MYO9B: variants seen among roughly 807,000 people sequenced by gnomAD.
MYO9B encodes the protein myosin IXB, also known as unconventional myosin-IXb.
A neutral mutation model predicts 229.5 loss-of-function variants in MYO9B; 71 were observed. That is an observed-to-expected ratio of 0.31 (90% CI 0.26 to 0.38). The LOEUF (loss-of-function observed/expected upper bound fraction) is 0.38, where lower values mean the gene tolerates loss of function less well. MYO9B is among the 10% of genes least tolerant of loss of function. The pLI, the probability that MYO9B is intolerant of heterozygous loss-of-function variation, is 1.00. For missense variants in MYO9B, 2,255 were observed against 2,920.5 expected, an observed-to-expected ratio of 0.77 and a Z score of 5.25; for synonymous variants, 1,185 against 1,235.8, an observed-to-expected ratio of 0.96 and a Z score of 0.86.
intron 1 of MYO9B, among the ~76,000 whole-genome samples, chr19:17,092,719 C>T (rs1445989693): frequency 9.6e-6 from 1 of 104,348 alleles, no homozygotes; most frequent in Non-Finnish European, 1.8e-5. Context: ...AGCAAGGCTC[C>T]GTCAAAAAAA....
intron 4 of MYO9B, among the ~76,000 whole-genome samples, chr19:17,152,933 G>C (rs1407714316): frequency 6.6e-6 from 1 of 152,106 alleles, no homozygotes; most frequent in Non-Finnish European, 1.5e-5. Context: ...TGCCTCCCTG[G>C]AGGTTTTATC....
chr19:17,157,091 A>G, intron 7 of MYO9B, 53 bp downstream of exon 7: 1 of 1,583,184 alleles, frequency 6.3e-7, no homozygotes, highest in South Asian at 1.2e-5. Context: ...GCCGCTGGCT[A>G]TCTCTCAGTA....
intron 1 of MYO9B, among the ~76,000 whole-genome samples, chr19:17,077,171 C>G (rs1050969519): frequency 6.6e-6 from 1 of 152,154 alleles, no homozygotes; most frequent in Non-Finnish European, 1.5e-5. Flanking sequence ...CTCTTGTGGC[C>G]CTGGCAGGGA....
intron 6 of MYO9B, among the ~76,000 whole-genome samples, chr19:17,155,952 A>G (rs1174472364): frequency 6.6e-6 from 1 of 151,594 alleles, no homozygotes; most frequent in Non-Finnish European, 1.5e-5. Flanking sequence ...CACAGAAGGC[A>G]GAGGCTGCCG....
rs1343343386 is a variant in MYO9B at position 17,115,976 on chromosome 19, A to T, written c.840+13419A>T. 2.0e-5 allele frequency among the ~76,000 whole-genome samples: 3 copies of T among 152,034 alleles called. No homozygotes were observed. The East Asian group carries it at 5.8e-4, about 29-fold the overall frequency. On this transcript the variant is annotated intron_variant, in intron 2 of 39. Transcript: ENST00000682292. The stretch of plus-strand genomic sequence containing the variant: ...GGGGAGTCAGGAAAGGAGGACACAG[A>T]TAGAGATGTCCCACAGGGTTCGGCG...
chr19:17,090,118 C>CTTTTTTT lies in MYO9B; in HGVS notation c.-58-11505_-58-11499dup, dbSNP rs59440394. On this transcript the variant is annotated intron_variant, in intron 1 of 39. Coordinates refer to ENST00000682292, the MANE Select transcript of MYO9B (RefSeq NM_004145.4). ...TATAGCATGAATCGGTGCTTCCTTC[C>CTTTTTTT]TTTTTTTTTTTTTTTTTTTTTTTTT... Among the ~76,000 whole-genome samples, 55 of 49,232 alleles carry CTTTTTTT rather than the reference C, an allele frequency of 1.1e-3. 12 individuals are homozygous for CTTTTTTT. The highest frequency in any genetic ancestry group is 1.7e-3 in the Non-Finnish European group (47 of 26,924). The allele number at this position is 49,232 out of a possible 152,430, so 32.3% of individuals were successfully genotyped here.
chr19:17,133,437 C>A (rs1284989350), intron 2 of MYO9B, among the ~76,000 whole-genome samples: 1 of 152,062 alleles, frequency 6.6e-6, no homozygotes, highest in Non-Finnish European at 1.5e-5. Flanking sequence ...GCCGCCACCC[C>A]CGGTAACCAG....
At chr19:17,196,103 TGGAG>T (rs1256270367) in intron 22 of MYO9B, among the ~76,000 whole-genome samples, 4 of 114,288 alleles carry the variant, frequency 3.5e-5, no homozygotes, top group Non-Finnish European at 6.8e-5. Context: ...AGATGATGGA[TGGAG>T]GGAGGGAGGG....
At chr19:17,125,389 C>T (rs1439540772) in intron 2 of MYO9B, among the ~76,000 whole-genome samples, 1 of 149,484 alleles carries the variant, frequency 6.7e-6, no homozygotes. Context: ...CCAAACAGGA[C>T]CTTCCCCCAT....
chr19:17,078,218 C>T (rs1470307897), intron 1 of MYO9B, among the ~76,000 whole-genome samples: 1 of 152,142 alleles, frequency 6.6e-6, no homozygotes, highest in Non-Finnish European at 1.5e-5. Context: ...CGCTAATGCC[C>T]GCCCCCGACA....
At position 17,211,757 on chromosome 19, in the gene MYO9B, G is replaced by A. The variant is rs766536751; in HGVS notation, c.6041G>A (p.Gly2014Glu). Residue 2014 changes from glycine (G) to glutamate (E), a missense_variant, in exon 39 of 40, where the codon GGG becomes GAG. Around this residue, in one of 7 missense-constraint regions of MYO9B, gnomAD observed 331 missense variants for 332.5 expected, o/e 1.00. Transcript: ENST00000682292. The part of the protein sequence containing the change: ...STESLLEERA[G>E]RGASEGPPAP... ...GAGAGCCTGCTGGAGGAGCGGGCCG[G>A]GCGGGGGGCCTCGGAAGGTCAGTAT... 9 of 1,612,986 alleles carry A rather than the reference G, an allele frequency of 5.6e-6. No individual in the cohort carries two copies. The highest frequency in any genetic ancestry group is 5.3e-5 in the African/African-American group (4 of 74,786).
chr19:17,109,457 G>A (rs2057826615), intron 2 of MYO9B, among the ~76,000 whole-genome samples: 2 of 152,136 alleles, frequency 1.3e-5, no homozygotes, highest in Admixed American at 1.3e-4. Context: ...AATCCCTCAC[G>A]GCAGCTCTGC....
At chr19:17,141,024 A>G (rs1476365491) in intron 2 of MYO9B, among the ~76,000 whole-genome samples, 3 of 151,562 alleles carry the variant, frequency 2.0e-5, no homozygotes, top group Non-Finnish European at 4.4e-5. Context: ...GAATCACTTG[A>G]ACCCAGGAGG....
At chr19:17,179,119 G>A (rs1332103642) in intron 14 of MYO9B, among the ~76,000 whole-genome samples, 1 of 151,646 alleles carries the variant, frequency 6.6e-6, no homozygotes, top group Non-Finnish European at 1.5e-5. Context: ...TAGACTGTAG[G>A]GTGTTGAGCA....
chr19:17,123,652 G>A (rs543212803), intron 2 of MYO9B, among the ~76,000 whole-genome samples: 10 of 152,016 alleles, frequency 6.6e-5, no homozygotes, highest in African/African-American at 1.9e-4. Flanking sequence ...CAGGTGATCC[G>A]TCTGTCACAG....
intron 1 of MYO9B, among the ~76,000 whole-genome samples, chr19:17,094,097 G>T (rs944157432): frequency 7.5e-6 from 1 of 133,088 alleles, no homozygotes; most frequent in African/African-American, 3.0e-5. Context: ...GTGCAATGGC[G>T]CAATCTCGGC....
chr19:17,181,698 A>G (rs909419914), intron 15 of MYO9B, among the ~76,000 whole-genome samples: 1 of 152,236 alleles, frequency 6.6e-6, no homozygotes, highest in Non-Finnish European at 1.5e-5. Context: ...GGCTGAGAGC[A>G]AAGCTTGCAC....
chr19:17,100,791 G>A (rs951595899), intron 1 of MYO9B, among the ~76,000 whole-genome samples: 1 of 152,048 alleles, frequency 6.6e-6, no homozygotes, highest in Non-Finnish European at 1.5e-5. Flanking sequence ...CCACACTCTA[G>A]GCCATTCCCG....
intron 23 of MYO9B, 32 bp from the exon 24 acceptor site, chr19:17,198,152 C>A (rs1275502239): frequency 1.9e-6 from 3 of 1,612,676 alleles, no homozygotes; most frequent in South Asian, 1.1e-5. Flanking sequence ...GCCAGCCTTT[C>A]CTTAGCAGCC....
Sources: allele counts gnomAD v4.1 joint callset (sites outside exome capture counted in the v4.1 genomes callset), GRCh38; gene constraint gnomAD v4.1.1; regional missense constraint gnomAD v4.1.1; transcripts MANE v1.5; gene names NCBI Gene and HGNC (gene_info 2026-07-23, HGNC 2026-07-21).